The following TRMT11 variants were observed in gnomAD, a reference collection of about 807,000 sequenced individuals.
TRMT11 encodes tRNA (guanine(10)-N(2))-methyltransferase TRMT11.
A neutral mutation model predicts 62.8 loss-of-function variants in TRMT11; 53 were observed. The observed-to-expected ratio is 0.84, with a 90% CI of 0.68 to 1.06. The LOEUF (loss-of-function observed/expected upper bound fraction) is 1.06. Ranked by LOEUF, TRMT11 falls within the 50% of genes least tolerant of loss-of-function variation. The probability of loss-of-function intolerance (pLI) is 0.00; values close to 1 mark genes in which losing one functional copy is unlikely to be tolerated. For missense variants in TRMT11, 556 were observed against 553.4 expected (o/e 1.00, Z -0.05); for synonymous variants, 188 against 190.3 (o/e 0.99, Z 0.10).
intron 17 of TRMT11, among the ~76,000 whole-genome samples, chr6:126,105,432 A>G (rs538619390): frequency 5.5e-4 from 84 of 152,290 alleles, no homozygotes; most frequent in African/African-American, 1.9e-3. Context: ...TCTGGCAGTC[A>G]GAAGGGACGT....
intron 1 of TRMT11, among the ~76,000 whole-genome samples, chr6:125,991,046 A>T (rs1790535639): frequency 6.6e-6 from 1 of 151,816 alleles, no homozygotes; most frequent in Non-Finnish European, 1.5e-5. Context: ...GGAGTTCGAG[A>T]CCAGTCTGGC....
chr6:126,179,523 A>T (rs1778431395), intron 1 of TRMT11, among the ~76,000 whole-genome samples: 1 of 152,166 alleles, frequency 6.6e-6, no homozygotes, highest in African/African-American at 2.4e-5. Flanking sequence ...ATCACACTGA[A>T]CAAAGTTTTT....
intron 17 of TRMT11, among the ~76,000 whole-genome samples, chr6:126,112,834 A>G (rs936706830): frequency 2.0e-5 from 3 of 151,852 alleles, no homozygotes; most frequent in Non-Finnish European, 4.4e-5. Context: ...TTTTCATGAA[A>G]TCAGAGTTTT....
At chr6:126,005,333 A>G (rs528493610) in intron 7 of TRMT11, among the ~76,000 whole-genome samples, 3 of 152,232 alleles carry the variant, frequency 2.0e-5, no homozygotes, top group African/African-American at 4.8e-5. Context: ...AGAAAAGAAT[A>G]AATAGAGCAA....
At chr6:126,246,534 A>G in the TRMT11 span, among the ~76,000 whole-genome samples, 13 of 152,330 alleles carry the variant, frequency 8.5e-5, 1 homozygote, top group South Asian at 2.7e-3. Flanking sequence ...CCACCTGCAT[A>G]AAGTGATAGC....
intron 16 of TRMT11, among the ~76,000 whole-genome samples, chr6:126,050,360 A>G (rs1241942497): frequency 6.6e-6 from 1 of 151,402 alleles, no homozygotes; most frequent in Non-Finnish European, 1.5e-5. Context: ...TAGACAATAG[A>G]AAGTTGTCAT....
At chr6:126,076,990 G>A (rs566578012) in intron 17 of TRMT11, among the ~76,000 whole-genome samples, 4 of 152,150 alleles carry the variant, frequency 2.6e-5, no homozygotes, top group African/African-American at 9.7e-5. Context: ...AAGTCAATCT[G>A]AGTAATGTTT....
chr6:126,116,833 G>T (rs1777592705), intron 21 of TRMT11, among the ~76,000 whole-genome samples: 1 of 152,056 alleles, frequency 6.6e-6, no homozygotes, highest in Admixed American at 6.6e-5. Flanking sequence ...GAATTTGGAT[G>T]TTCATGAGGG....
chr6:126,213,043 T>C, the TRMT11 span, among the ~76,000 whole-genome samples: 2 of 152,076 alleles, frequency 1.3e-5, no homozygotes, highest in Admixed American at 1.3e-4. Flanking sequence ...ATTCCCAGTG[T>C]ATGCTATTGG....
At chr6:126,240,176 A>G in the TRMT11 span, among the ~76,000 whole-genome samples, 1 of 152,110 alleles carries the variant, frequency 6.6e-6, no homozygotes, top group African/African-American at 2.4e-5. Flanking sequence ...AGCTTGGAGA[A>G]GTTTGATCGT....
At chr6:126,265,528 C>A in the TRMT11 span, among the ~76,000 whole-genome samples, 1 of 151,872 alleles carries the variant, frequency 6.6e-6, no homozygotes, top group Admixed American at 6.6e-5. Flanking sequence ...TAAAATGAAA[C>A]AACAGTAGCA....
At chr6:126,034,943 T>C (rs1005079879) in intron 12 of TRMT11, among the ~76,000 whole-genome samples, 1 of 151,902 alleles carries the variant, frequency 6.6e-6, no homozygotes, top group Non-Finnish European at 1.5e-5. Flanking sequence ...AGAAGAGTCA[T>C]GAAAAGGTGA....
the TRMT11 span, among the ~76,000 whole-genome samples, chr6:126,213,599 T>C: frequency 6.6e-6 from 1 of 152,122 alleles, no homozygotes; most frequent in Admixed American, 6.5e-5. Flanking sequence ...TGGTTTTGAA[T>C]CCTTCAACTT....
At chr6:126,117,569 T>C (rs1777604220) in intron 21 of TRMT11, among the ~76,000 whole-genome samples, 1 of 152,058 alleles carries the variant, frequency 6.6e-6, no homozygotes, top group South Asian at 2.1e-4. Flanking sequence ...TAATGTTGAT[T>C]ATATTAGTTT....
rs377115575 is a variant in TRMT11, at chr6:126,140,352, C to T, written c.*1823+24497C>T. Among the ~76,000 whole-genome samples the T allele has an allele frequency of 5.3e-5, 8 of 152,026 alleles. No individual in the cohort carries two copies. In the East Asian group the frequency reaches 9.7e-4, roughly 18 times the overall value. On this transcript the variant is annotated intron_variant and NMD_transcript_variant, in intron 21 of 22. Coordinates refer to the TRMT11 transcript ENST00000648977. ...CATGATTTCCTTTCTTGTGCTTTCTCTTGTTTTGGTATTAGTGCTATATTT... is the reference window on the plus strand; with the variant it reads ...CATGATTTCCTTTCTTGTGCTTTCTTTTGTTTTGGTATTAGTGCTATATTT...
chr6:126,125,204 G>T (rs1215667941), intron 21 of TRMT11, among the ~76,000 whole-genome samples: 2 of 151,960 alleles, frequency 1.3e-5, no homozygotes, highest in Non-Finnish European at 2.9e-5. Flanking sequence ...ACTCTTCTTT[G>T]CGTTGATACC....
chr6:125,998,007 G>T, intron 3 of TRMT11, 46 bp from the exon 4 acceptor site: 2 of 1,319,166 alleles, frequency 1.5e-6, no homozygotes, highest in South Asian at 2.4e-5. Flanking sequence ...ATTCCTGTGT[G>T]AACTAAGTTC....
intron 12 of TRMT11, among the ~76,000 whole-genome samples, chr6:126,024,002 A>T (rs370884397): frequency 5.3e-5 from 8 of 152,264 alleles, no homozygotes. Context: ...CTTTGAAAAA[A>T]GTAATTGCAA....
At chr6:126,066,529 C>T (rs370936699) in intron 17 of TRMT11, among the ~76,000 whole-genome samples, 159 of 152,208 alleles carry the variant, frequency 1.0e-3, no homozygotes, top group African/African-American at 3.4e-3. Flanking sequence ...CTCACAGGGA[C>T]GCTAATCCTA....
Sources: gnomAD v4.1 joint callset for allele counts (sites outside exome capture counted in the v4.1 genomes callset) on GRCh38, gnomAD v4.1.1 for gene constraint, MANE v1.5 for transcripts, NCBI Gene and HGNC (gene_info 2026-07-23, HGNC 2026-07-21) for gene names.